IL13RA1: variants seen among roughly 807,000 people sequenced by gnomAD.
The protein encoded by IL13RA1 is interleukin-13 receptor subunit alpha-1.
IL13RA1 carries 14 observed loss-of-function variants against 33.8 expected under a neutral mutation model. The observed-to-expected ratio is 0.41, with a 90% CI of 0.27 to 0.65. The LOEUF (loss-of-function observed/expected upper bound fraction) is 0.65, where lower values mean the gene tolerates loss of function less well. Among genes scored for constraint, IL13RA1 ranks in the 30% least tolerant of loss-of-function variants. IL13RA1 has a pLI of 0.28. For synonymous variants in IL13RA1, 116 were observed against 115.7 expected, an observed-to-expected ratio of 1.00 and a Z score of -0.02; for missense variants, 313 against 327.0, an observed-to-expected ratio of 0.96 and a Z score of 0.33.
intron 9 of IL13RA1, among the ~76,000 whole-genome samples, chrX:118,775,492 G>A (rs769811758): frequency 8.9e-5 from 10 of 111,847 alleles, no homozygotes; most frequent in Non-Finnish European, 1.9e-4. Context: ...GGAAGCCGAT[G>A]GAGTAGTTCG....
At chrX:118,754,234 T>C (rs1302536382) in intron 4 of IL13RA1, among the ~76,000 whole-genome samples, 1 of 111,576 alleles carries the variant, frequency 9.0e-6, no homozygotes, top group East Asian at 2.8e-4. Context: ...ATCTGTGAAA[T>C]GGAGATAGTA....
Position 118,792,432 on chromosome X carries a change from G to A in IL13RA1, c.*578G>A, listed in dbSNP as rs2017986660. The A allele has an allele frequency of 9.0e-6, 1 of 111,675 alleles. No homozygotes were observed. Among genetic ancestry groups the A allele is most frequent in the Admixed American group, 9.5e-5 (1 of 10,505 alleles). The allele number at this position is 111,675 out of a possible 1,213,427, so 9.2% of individuals were successfully genotyped here. A position where few individuals can be genotyped will look rare whatever the true frequency, so the allele number is the denominator to read the frequency against. On this transcript the variant is annotated 3_prime_UTR_variant, in exon 11 of 11. Coordinates refer to ENST00000371666, the MANE Select transcript of IL13RA1 (RefSeq NM_001560.3). ...AGTCCGAGGCGGGCGGATCACTCGA[G>A]GTCAGGAGTTCCAGACCAGCCTGAC...
At chrX:118,787,969 A>T (rs751863327) in intron 10 of IL13RA1, among the ~76,000 whole-genome samples, 70 of 112,101 alleles carry the variant, frequency 6.2e-4, no homozygotes, top group African/African-American at 2.3e-3. Flanking sequence ...CAGTTTATGA[A>T]GATGACGGGA....
the IL13RA1 span, among the ~76,000 whole-genome samples, chrX:118,802,380 TG>T: frequency 0.06 from 6,676 of 111,990 alleles, 518 homozygotes; most frequent in African/African-American, 0.2. Context: ...TCTGTTCAGT[TG>T]GGGGGCGATG....
chrX:118,749,732 C>T lies in IL13RA1; in HGVS notation c.442C>T (p.Pro148Ser). The T allele has an allele frequency of 8.5e-7, 1 of 1,176,004 alleles. No individual in the cohort carries two copies. Among genetic ancestry groups the T allele is most frequent in the Non-Finnish European group, 1.2e-6 (1 of 863,191 alleles). ...NLSYMKCSWL[P>S]GRNTSPDTNY... ...GAGCTACATGAAGTGTTCTTGGCTC[C>T]CTGGAAGGAATACCAGTCCCGACAC... is the stretch of plus-strand genomic sequence containing the variant. Residue 148 changes from proline (P) to serine (S), a missense_variant, in exon 4 of 11, where the codon CCT (proline) becomes TCT (serine). By Grantham distance (74) the Pro-to-Ser change is moderately conservative. Transcript: ENST00000371666.
At position 118,773,990 on chromosome X, in the gene IL13RA1, C is replaced by A. The variant is rs2017755236; in HGVS notation, c.1106+15C>A. The A allele has an allele frequency of 3.8e-6, 3 of 792,749 alleles. No individual in the cohort carries two copies. Among genetic ancestry groups the A allele is most frequent in the South Asian group, 4.2e-5 (2 of 47,387 alleles). 65.3% of individuals were successfully genotyped at this position (792,749 alleles called of 1,213,427 possible). ...TACCTAAAAAGGTAAGGTAGCTGCC[C>A]AGGCAGGTTTTGCAGTTTCTGATAG... On this transcript the variant is annotated intron_variant, in intron 9 of 10. Transcript: ENST00000371666.
chrX:118,741,817 G>A (rs1259216011), intron 2 of IL13RA1, among the ~76,000 whole-genome samples: 2 of 110,462 alleles, frequency 1.8e-5, no homozygotes, highest in Admixed American at 1.9e-4. Flanking sequence ...GGGTGGCGGC[G>A]GTGAGTGGGT....
At chrX:118,757,678 CTTTTTT>C (rs765835021) in intron 4 of IL13RA1, among the ~76,000 whole-genome samples, 34 of 58,347 alleles carry the variant, frequency 5.8e-4, no homozygotes, top group African/African-American at 2.5e-3. Context: ...AGAATTCTGC[CTTTTTT>C]TTTTTTTTTT....
chrX:118,743,005 G>A (rs2017362129), intron 2 of IL13RA1, among the ~76,000 whole-genome samples: 2 of 111,778 alleles, frequency 1.8e-5, no homozygotes, highest in Non-Finnish European at 3.8e-5. Context: ...GAAGAAACCA[G>A]ATAGAGACCA....
At chrX:118,789,050 A>G (rs2017950569) in intron 10 of IL13RA1, among the ~76,000 whole-genome samples, 1 of 112,435 alleles carries the variant, frequency 8.9e-6, no homozygotes, top group Non-Finnish European at 1.9e-5. Context: ...TCTGGTCCCA[A>G]GCATTTTGCA....
At chrX:118,740,507 A>G (rs2017330505) in intron 1 of IL13RA1, among the ~76,000 whole-genome samples, 2 of 112,130 alleles carry the variant, frequency 1.8e-5, no homozygotes, top group African/African-American at 6.5e-5. Context: ...CATGAGGCCA[A>G]TAGGCCAGGT....
intron 4 of IL13RA1, among the ~76,000 whole-genome samples, chrX:118,751,900 CA>C (rs34902050): frequency 0.05 from 2,434 of 48,952 alleles, 53 homozygotes; most frequent in African/African-American, 0.096. Context: ...GAATAGAATG[CA>C]AAAAAAAAAA....
chrX:118,733,251 T>C (rs954779986), intron 1 of IL13RA1, among the ~76,000 whole-genome samples: 1 of 112,249 alleles, frequency 8.9e-6, no homozygotes, highest in Non-Finnish European at 1.9e-5. Context: ...ATTTTAAATT[T>C]CCACCAACTG....
intron 3 of IL13RA1, among the ~76,000 whole-genome samples, chrX:118,747,887 A>G (rs972899338): frequency 4.6e-5 from 5 of 109,105 alleles, no homozygotes; most frequent in African/African-American, 6.7e-5. Flanking sequence ...TCTGCACCTT[A>G]GTTTCCTCAT....
At chrX:118,784,734 A>G (rs917989432) in intron 10 of IL13RA1, among the ~76,000 whole-genome samples, 1 of 112,081 alleles carries the variant, frequency 8.9e-6, no homozygotes, top group Non-Finnish European at 1.9e-5. Context: ...AATTGATGGA[A>G]TTTGCTACAT....
chrX:118,753,941 A>G (rs761447292), intron 4 of IL13RA1, among the ~76,000 whole-genome samples: 19 of 112,784 alleles, frequency 1.7e-4, no homozygotes, highest in African/African-American at 5.8e-4. Flanking sequence ...TTTAATTTAA[A>G]TCAATTAAAA....
At chrX:118,784,149 G>GTATATATATACACCCATATATATACA (rs1569459460) in intron 10 of IL13RA1, among the ~76,000 whole-genome samples, 1 of 41,346 alleles carries the variant, frequency 2.4e-5, no homozygotes, top group African/African-American at 9.9e-5. Context: ...ATATATATAC[G>GTATATATATACACCCATATATATACA]TATATACACA....
rs1336938797 is a variant in IL13RA1 at position 118,776,411 on chromosome X, C to T, written c.1107-16C>T. The T allele has an allele frequency of 9.5e-6, 7 of 738,933 alleles. No homozygotes were observed. Among genetic ancestry groups the T allele is most frequent in the Non-Finnish European group, 1.5e-5 (7 of 471,168 alleles). 60.9% of individuals were successfully genotyped at this position (738,933 alleles called of 1,213,427 possible). A position where few individuals can be genotyped will look rare whatever the true frequency, so the allele number is the denominator to read the frequency against. On this transcript the variant is annotated splice_polypyrimidine_tract_variant and intron_variant, in intron 9 of 10. Coordinates refer to ENST00000371666, the MANE Select transcript of IL13RA1 (RefSeq NM_001560.3). Reference sequence around the variant, plus strand: ...GGACTGGAAGGTTTGAATCAAATGTCTCTGTTTTCTTAAAGGCTCAAGATT... The same window carrying T: ...GGACTGGAAGGTTTGAATCAAATGTTTCTGTTTTCTTAAAGGCTCAAGATT...
chrX:118,732,373 T>C (rs1281901486), intron 1 of IL13RA1, among the ~76,000 whole-genome samples: 2 of 106,937 alleles, frequency 1.9e-5, no homozygotes, highest in Non-Finnish European at 3.9e-5. Flanking sequence ...GTGTATCATA[T>C]GTCAGAATTT....
Sources: allele counts gnomAD v4.1 joint callset (sites outside exome capture counted in the v4.1 genomes callset), GRCh38; gene constraint gnomAD v4.1.1; transcripts MANE v1.5; gene names NCBI Gene and HGNC (gene_info 2026-07-23, HGNC 2026-07-21).